The following ATG2B variants were observed in gnomAD, a reference collection of about 807,000 sequenced individuals.
The protein encoded by ATG2B is autophagy-related protein 2 homolog B.
Under a neutral mutation model 241.3 loss-of-function variants are expected in ATG2B, and 121 were observed. That is an observed-to-expected ratio of 0.50 (90% CI 0.43 to 0.58). The LOEUF (loss-of-function observed/expected upper bound fraction) is 0.58. Ranked by LOEUF, ATG2B falls within the 20% of genes least tolerant of loss-of-function variation. The pLI is 0.00. For missense variants in ATG2B, 2,306 were observed against 2,491.6 expected, an observed-to-expected ratio of 0.93 and a Z score of 1.59; for synonymous variants, 858 against 876.6, an observed-to-expected ratio of 0.98 and a Z score of 0.37.
chr14:96,331,771 A>T, intron 10 of ATG2B, 134 bp from the exon 11 acceptor site: 1 of 743,486 alleles, frequency 1.3e-6, no homozygotes, highest in South Asian at 2.5e-5. Flanking sequence ...TAAACAATTA[A>T]TTTAAGTAAA....
chr14:96,291,152 T>TAC (rs898982548), intron 38 of ATG2B, among the ~76,000 whole-genome samples: 2 of 152,096 alleles, frequency 1.3e-5, no homozygotes, highest in Non-Finnish European at 2.9e-5. Context: ...TATACATACA[T>TAC]ACACACACAC....
chr14:96,290,725 T>A lies in ATG2B; in HGVS notation c.5701+89A>T. On this transcript the variant is annotated intron_variant, in intron 39 of 41. Coordinates refer to ENST00000359933, the MANE Select transcript of ATG2B (RefSeq NM_018036.7). The surrounding 1 kb of genome is among the most constrained non-coding windows in gnomAD (Gnocchi z 4.4). ...GAGTACATATGTGAGTTTTCTAGAC[T>A]AATGGTCCTCACATAAGTTCTCAAA... 6.5e-7 allele frequency: 1 copy of A among 1,541,796 alleles called. No homozygotes were observed. Among genetic ancestry groups the A allele is most frequent in the Non-Finnish European group, 8.8e-7 (1 of 1,136,976 alleles).
chr14:96,292,128 A>C (rs999766021), intron 36 of ATG2B, 30 bp from the exon 37 acceptor site: 2 of 1,435,850 alleles, frequency 1.4e-6, no homozygotes, highest in East Asian at 2.3e-5. Context: ...GGAGTTATTT[A>C]CATTTACAAT....
intron 11 of ATG2B, 103 bp from the exon 12 acceptor site, chr14:96,329,737 A>G (rs1236831463): frequency 4.6e-6 from 3 of 647,100 alleles, no homozygotes; most frequent in Admixed American, 3.0e-5. Flanking sequence ...ACTCCTAAGG[A>G]AATTAACCAG....
In ATG2B at chr14:96,358,352, G is replaced by A. The variant is rs117189389; in HGVS notation, c.162+4463C>T. On this transcript the variant is annotated intron_variant, in intron 1 of 41. Coordinates refer to ENST00000359933, the MANE Select transcript of ATG2B (RefSeq NM_018036.7). The stretch of plus-strand genomic sequence containing the variant: ...ACTCAGGAGGCTGGATTGGAGGATC[G>A]CTTGAACCCATGAGTTTGAGGCTGC... Among the ~76,000 whole-genome samples, 187 of 152,158 alleles carry A rather than the reference G, an allele frequency of 1.2e-3. 2 individuals are homozygous for A. The East Asian group carries it at 0.013, about 11-fold the overall frequency.
At chr14:96,293,618 A>C (rs1886547960) in intron 36 of ATG2B, among the ~76,000 whole-genome samples, 1 of 152,188 alleles carries the variant, frequency 6.6e-6, no homozygotes, top group Non-Finnish European at 1.5e-5. Context: ...TTGGCCACGA[A>C]CTGTGGTCTT....
chr14:96,326,082 A>C (rs1887581815), intron 14 of ATG2B, among the ~76,000 whole-genome samples, 160 bp from the exon 15 acceptor site: 1 of 152,224 alleles, frequency 6.6e-6, no homozygotes, highest in African/African-American at 2.4e-5. Context: ...ATTTAGTGTA[A>C]AAAAATTTTA....
rs766310575 is a variant in ATG2B at position 96,329,627 on chromosome 14, C to A, written c.1738G>T (p.Gly580Cys). ...TCATAGGATACTTTAATGCCAGTAC[C>A]TATAAATCTATTATAAAAAATGCAC... Reference protein sequence around the residue: ...ACSHDHLRFIGTGIKVSYEQR... With the variant: ...ACSHDHLRFICTGIKVSYEQR... The change falls in exon 12 of 42, where the codon GGT becomes TGT. Residue 580 changes from glycine to cysteine, a missense_variant. By Grantham distance (159) the Gly-to-Cys change is radical. Coordinates refer to ENST00000359933, the MANE Select transcript of ATG2B (RefSeq NM_018036.7). 1 of 1,585,638 alleles carries A rather than the reference C, an allele frequency of 6.3e-7. No homozygotes were observed. Among genetic ancestry groups the A allele is most frequent in the South Asian group, 1.1e-5 (1 of 87,918 alleles).
At chr14:96,336,831 T>C (rs996868181) in intron 6 of ATG2B, among the ~76,000 whole-genome samples, 5 of 152,180 alleles carry the variant, frequency 3.3e-5, no homozygotes, top group African/African-American at 1.2e-4. Context: ...CCTGTTCTGC[T>C]AACAATCCCA....
At position 96,279,711 on chromosome 14, in the gene ATG2B, G is replaced by A. The variant is rs1182639264; in HGVS notation, c.*6044C>T. ...GCATCCGAGTTGGGGCGGCCATAGC[G>A]CGTTCTTGCCCCAGGCTGTGCATGA... On this transcript the variant is annotated 3_prime_UTR_variant, in exon 42 of 42. Transcript: ENST00000359933. 2 of 152,306 alleles carry A rather than the reference G, an allele frequency of 1.3e-5. No homozygotes were observed. The highest frequency in any genetic ancestry group is 2.4e-5 in the African/African-American group (1 of 41,464). The allele number at this position is 152,306 out of a possible 1,614,324, so 9.4% of individuals were successfully genotyped here. A position where few individuals can be genotyped will look rare whatever the true frequency, so the allele number is the denominator to read the frequency against.
Position 96,313,389 on chromosome 14 carries a change from T to C in ATG2B, c.3689A>G (p.Asn1230Ser), listed in dbSNP as rs1181480713. 6.3e-7 allele frequency: 1 copy of C among 1,598,160 alleles called. No individual in the cohort carries two copies. Among genetic ancestry groups the C allele is most frequent in the East Asian group, 2.2e-5 (1 of 44,694 alleles). Residue 1230 changes from asparagine (N) to serine (S), a missense_variant, in exon 24 of 42, where the codon AAT (asparagine) becomes AGT (serine). Asn to Ser is a conservative substitution (Grantham distance 46, BLOSUM62 1). Transcript: ENST00000359933. ...NIADEPVLGY[N>S]PPTSFTTFHV... is the part of the protein sequence containing the mutation. ...AAAAGTTGTAAATGAAGTTGGAGGA[T>C]TATATCCCAAAACAGGTTCATCAGC...
At chr14:96,336,558 CATA>C (rs987942083) in intron 6 of ATG2B, among the ~76,000 whole-genome samples, 5 of 152,064 alleles carry the variant, frequency 3.3e-5, no homozygotes, top group Non-Finnish European at 5.9e-5. Context: ...CAAATGTATA[CATA>C]ATGTTTTATT....
At chr14:96,335,410 G>A (rs1031119563) in intron 6 of ATG2B, among the ~76,000 whole-genome samples, 5 of 152,034 alleles carry the variant, frequency 3.3e-5, no homozygotes, top group East Asian at 1.9e-4. Flanking sequence ...GAGAAATTTC[G>A]ATGACCTAAG....
chr14:96,341,168 A>G (rs1280150589), intron 6 of ATG2B, among the ~76,000 whole-genome samples: 1 of 152,194 alleles, frequency 6.6e-6, no homozygotes, highest in Non-Finnish European at 1.5e-5. Context: ...ACTTAATTTT[A>G]TGAAAATAGA....
rs1379761885 is a variant in ATG2B at position 96,341,581 on chromosome 14, T to C, written c.865A>G (p.Ile289Val). The C allele has an allele frequency of 6.2e-7, 1 of 1,604,622 alleles. No individual in the cohort carries two copies. The highest frequency in any genetic ancestry group is 2.2e-5 in the East Asian group (1 of 44,544). The change falls in exon 6 of 42, where the codon ATT (isoleucine) becomes GTT (valine). Residue 289 changes from isoleucine (I) to valine (V), a missense_variant. Transcript: ENST00000359933. Reference protein sequence around the residue: ...PSDPVQIGRLIGRLELSLTLK... With the variant: ...PSDPVQIGRLVGRLELSLTLK... ...GTGAGACTCAACTCCAACCTACCAA[T>C]TAACCGTCCAATCTGCACTGGGTCA...
rs557632574 is a variant in ATG2B, at chr14:96,283,875, C to G, written c.*1880G>C. 3.3e-5 allele frequency: 5 copies of G among 152,232 alleles called. No homozygotes were observed. Among genetic ancestry groups the G allele is most frequent in the Admixed American group, 6.5e-5 (1 of 15,288 alleles). The allele number at this position is 152,232 out of a possible 1,614,324, so 9.4% of individuals were successfully genotyped here. On this transcript the variant is annotated 3_prime_UTR_variant, in exon 42 of 42. Coordinates refer to ENST00000359933, the MANE Select transcript of ATG2B (RefSeq NM_018036.7). ...GCAGGAGGGTAGAACAAAGAAAGAA[C>G]CGCGGAGATTACATTACAAAGATAT... is the stretch of plus-strand genomic sequence containing the variant.
Position 96,354,699 on chromosome 14 carries a change from C to T in ATG2B, c.163-7358G>A, listed in dbSNP as rs557592528. On this transcript the variant is annotated intron_variant, in intron 1 of 41. Transcript: ENST00000359933. Reference sequence around the variant, plus strand: ...TCTAGGTCTCTGAGGAATCGCCACACTGTCTTCCATAATGGTTAAACTAAT... The same window carrying T: ...TCTAGGTCTCTGAGGAATCGCCACATTGTCTTCCATAATGGTTAAACTAAT... 7.2e-5 allele frequency among the ~76,000 whole-genome samples: 11 copies of T among 152,340 alleles called. No individual in the cohort carries two copies. In the East Asian group the frequency reaches 2.1e-3, roughly 29 times the overall value.
At position 96,284,910 on chromosome 14, in the gene ATG2B, T is replaced by C. The variant is rs573582694; in HGVS notation, c.*845A>G. 3 of 152,314 alleles carry C rather than the reference T, an allele frequency of 2.0e-5. No homozygotes were observed. The East Asian group carries it at 5.8e-4, about 29-fold the overall frequency. 9.4% of individuals were successfully genotyped at this position (152,314 alleles called of 1,614,324 possible). On this transcript the variant is annotated 3_prime_UTR_variant, in exon 42 of 42. Transcript: ENST00000359933. ...CACTTCCAATCTTCCCTTCCACACA[T>C]TCCTAACAAGCCTGCACTATACCTG...
At chr14:96,297,090 T>C (rs1028274479) in intron 34 of ATG2B, among the ~76,000 whole-genome samples, 2 of 152,168 alleles carry the variant, frequency 1.3e-5, no homozygotes, top group African/African-American at 4.8e-5. Context: ...TATATATTCA[T>C]GTATGTATTT....
Sources: gnomAD v4.1 joint callset for allele counts (sites outside exome capture counted in the v4.1 genomes callset) on GRCh38, gnomAD v4.1.1 for gene constraint, Gnocchi (gnomAD v3.1) non-coding constraint, MANE v1.5 for transcripts, NCBI Gene and HGNC (gene_info 2026-07-23, HGNC 2026-07-21) for gene names.